MON2: variants seen among roughly 807,000 people sequenced by gnomAD.
The protein encoded by MON2 is protein MON2 homolog.
A neutral mutation model predicts 208.6 loss-of-function variants in MON2; 84 were observed. That is an observed-to-expected ratio of 0.40 (90% CI 0.34 to 0.48). The LOEUF is 0.48. Among genes scored for constraint, MON2 ranks in the 20% least tolerant of loss-of-function variants. MON2 has a pLI of 0.59. For synonymous variants in MON2, 660 were observed against 694.0 expected, an observed-to-expected ratio of 0.95 and a Z score of 0.77; for missense variants, 1,611 against 2,015.4, an observed-to-expected ratio of 0.80 and a Z score of 3.84.
At chr12:62,584,705 CAAAAA>C (rs1226172058) in intron 32 of MON2, among the ~76,000 whole-genome samples, 1 of 71,376 alleles carries the variant, frequency 1.4e-5, no homozygotes, top group Non-Finnish European at 2.4e-5. Context: ...TCTGTCTCAA[CAAAAA>C]AAAAAAAAAA....
chr12:62,598,257 A>G lies in MON2; in HGVS notation c.*5508A>G, dbSNP rs1189824491. On this transcript the variant is annotated 3_prime_UTR_variant, in exon 35 of 35. Transcript: ENST00000393630. The stretch of plus-strand genomic sequence containing the variant: ...TTGATTCTATCCCCTCAAGTATGAA[A>G]AAATTAAATTTTCAGACCATTTTCA... 6.6e-6 allele frequency: 1 copy of G among 152,168 alleles called. No homozygotes were observed. Among genetic ancestry groups the G allele is most frequent in the African/African-American group, 2.4e-5 (1 of 41,422 alleles). The allele number at this position is 152,168 out of a possible 1,614,324, so 9.4% of individuals were successfully genotyped here.
chr12:62,547,116 A>G, intron 22 of MON2, 44 bp downstream of exon 22: 1 of 1,232,948 alleles, frequency 8.1e-7, no homozygotes, highest in South Asian at 2.2e-5. Context: ...TATGAAAAAT[A>G]AAATATAAAT....
chr12:62,502,656 A>G (rs1207857482), intron 7 of MON2, among the ~76,000 whole-genome samples: 1 of 152,192 alleles, frequency 6.6e-6, no homozygotes, highest in South Asian at 2.1e-4. Context: ...GTTGATTTTT[A>G]CTTGCTTATA....
rs1291939896 is a variant in MON2, at chr12:62,561,000, A to G, written c.3919A>G (p.Ile1307Val). Residue 1307 changes from isoleucine to valine, a missense_variant, in exon 26 of 35, where the codon ATT becomes GTT. Transcript: ENST00000393630. ...GTTGGGAGTCATATTGCACAGTGCT[A>G]TTTCAGTCCCAATAAGTTCAGATGC... ...QKLGVILHSA[I>V]SVPISSDASP... 4 of 1,613,796 alleles carry G rather than the reference A, an allele frequency of 2.5e-6. No homozygotes were observed. The African/African-American group carries it at 4.0e-5, about 16-fold the overall frequency.
chr12:62,534,609 T>G (rs2072878253), intron 12 of MON2, among the ~76,000 whole-genome samples: 1 of 140,764 alleles, frequency 7.1e-6, no homozygotes, highest in Non-Finnish European at 1.5e-5. Flanking sequence ...CAGAAAGATC[T>G]TACCATAGAT....
chr12:62,534,161 CAGG>C (rs1286906490), intron 12 of MON2, among the ~76,000 whole-genome samples: 1 of 151,740 alleles, frequency 6.6e-6, no homozygotes, highest in Non-Finnish European at 1.5e-5. Flanking sequence ...GAGGCTGAGG[CAGG>C]AGGATTGCTT....
chr12:62,479,127 A>T (rs149285548), intron 1 of MON2, among the ~76,000 whole-genome samples: 4 of 152,318 alleles, frequency 2.6e-5, no homozygotes, highest in African/African-American at 9.6e-5. Context: ...TAATTTCTGT[A>T]GTATAGGAGA....
chr12:62,522,441 C>A (rs1308646360), intron 8 of MON2, among the ~76,000 whole-genome samples: 4 of 152,202 alleles, frequency 2.6e-5, no homozygotes, highest in African/African-American at 7.2e-5. Context: ...TCAACTCTTA[C>A]ATACAGGATT....
intron 8 of MON2, among the ~76,000 whole-genome samples, chr12:62,516,062 A>G (rs1433369750): frequency 6.6e-6 from 1 of 152,214 alleles, no homozygotes; most frequent in Admixed American, 6.5e-5. Flanking sequence ...GTTAGTACAT[A>G]TAGACAATGG....
chr12:62,468,695 T>C (rs1309908016), intron 1 of MON2, among the ~76,000 whole-genome samples: 5 of 152,222 alleles, frequency 3.3e-5, no homozygotes, highest in Non-Finnish European at 2.9e-5. Context: ...ATTTTCATTT[T>C]TTTTATATCC....
At chr12:62,585,110 C>CAA (rs369427103) in intron 32 of MON2, among the ~76,000 whole-genome samples, 184 bp from the exon 33 acceptor site, 1 of 32,070 alleles carries the variant, frequency 3.1e-5, no homozygotes, top group African/African-American at 1.6e-4. Flanking sequence ...CACACACACA[C>CAA]AAAACAAAAA....
chr12:62,510,998 A>G (rs2071367147), intron 8 of MON2, among the ~76,000 whole-genome samples: 1 of 152,200 alleles, frequency 6.6e-6, no homozygotes, highest in Non-Finnish European at 1.5e-5. Flanking sequence ...TTAAGAAAAC[A>G]ATTTCATTTG....
chr12:62,587,436 G>A (rs1275894911), intron 33 of MON2, among the ~76,000 whole-genome samples: 1 of 151,964 alleles, frequency 6.6e-6, no homozygotes, highest in African/African-American at 2.4e-5. Flanking sequence ...AATGTTTTAA[G>A]GGCAGGGCAC....
In MON2 at chr12:62,592,908, C is replaced by G; in HGVS notation, c.*159C>G. On this transcript the variant is annotated 3_prime_UTR_variant, in exon 35 of 35. Coordinates refer to ENST00000393630, the MANE Select transcript of MON2 (RefSeq NM_015026.3). The stretch of plus-strand genomic sequence containing the variant: ...TACCTGAGTTCAGTAATTCATATTA[C>G]AGGCTTGCACATCAACAAAGGCTCC... 1 of 612,266 alleles carries G rather than the reference C, an allele frequency of 1.6e-6. No individual in the cohort carries two copies. Among genetic ancestry groups the G allele is most frequent in the African/African-American group, 1.8e-5 (1 of 54,854 alleles). 37.9% of individuals were successfully genotyped at this position (612,266 alleles called of 1,614,324 possible). A position where few individuals can be genotyped will look rare whatever the true frequency, so the allele number is the denominator to read the frequency against.
chr12:62,523,680 C>T (rs2072186205), intron 8 of MON2, among the ~76,000 whole-genome samples: 1 of 152,166 alleles, frequency 6.6e-6, no homozygotes, highest in Admixed American at 6.5e-5. Context: ...TTATGGTTCA[C>T]TCATTTTGAG....
rs2074865121 is a variant in MON2, at chr12:62,578,311, CTT to C, written c.4515-131_4515-130del. 91 of 615,460 alleles carry C rather than the reference CTT, an allele frequency of 1.5e-4. No individual in the cohort carries two copies. In the South Asian group the frequency reaches 1.9e-3, roughly 13 times the overall value. 38.1% of individuals were successfully genotyped at this position (615,460 alleles called of 1,614,324 possible). A position where few individuals can be genotyped will look rare whatever the true frequency, so the allele number is the denominator to read the frequency against. On this transcript the variant is annotated intron_variant, in intron 30 of 34. Transcript: ENST00000393630. Reference sequence around the variant, plus strand: ...AATGACTTTAATTTACAACATTACTCTTTTAAATAAATAATAATGCCCCAACC... The same window carrying C: ...AATGACTTTAATTTACAACATTACTCTTAAATAAATAATAATGCCCCAACC...
chr12:62,485,322 T>C (rs983595687), intron 2 of MON2, among the ~76,000 whole-genome samples: 3 of 152,262 alleles, frequency 2.0e-5, no homozygotes, highest in African/African-American at 7.2e-5. Context: ...AAATAATCTC[T>C]TTAACTTTCA....
intron 26 of MON2, among the ~76,000 whole-genome samples, chr12:62,564,821 G>T (rs1160822423): frequency 6.6e-6 from 1 of 152,058 alleles, no homozygotes; most frequent in African/African-American, 2.4e-5. Flanking sequence ...GGTGGACCAG[G>T]CATGGTGCAG....
At chr12:62,470,770 G>T in intron 1 of MON2, 1 of 1,087,030 alleles carries the variant, frequency 9.2e-7, no homozygotes, top group Non-Finnish European at 1.1e-6. Flanking sequence ...AGAGGAAATA[G>T]CACACGTTGT....
Sources: allele counts gnomAD v4.1 joint callset (sites outside exome capture counted in the v4.1 genomes callset), GRCh38; gene constraint gnomAD v4.1.1; transcripts MANE v1.5; gene names NCBI Gene and HGNC (gene_info 2026-07-23, HGNC 2026-07-21).